SHCBP1L: variants seen among roughly 807,000 people sequenced by gnomAD.
The protein encoded by SHCBP1L is SHC binding and spindle associated 1 like, also known as testicular spindle-associated protein SHCBP1L.
SHCBP1L carries 67 observed loss-of-function variants against 62.5 expected under a neutral mutation model. The ratio of observed to expected loss-of-function variants is 1.07; its 90% CI spans 0.88 to 1.31. SHCBP1L has a LOEUF of 1.31. SHCBP1L is among the 40% of genes most tolerant of loss of function. SHCBP1L has a pLI of 0.00. For missense variants in SHCBP1L, 823 were observed against 809.8 expected (o/e 1.02, Z -0.20); for synonymous variants, 284 against 289.4 (o/e 0.98, Z 0.19).
intron 9 of SHCBP1L, among the ~76,000 whole-genome samples, chr1:182,902,061 C>CTTTTTTTTTTTTTTTTTTTTTT (rs1156301250): frequency 1.6e-4 from 21 of 127,554 alleles, no homozygotes; most frequent in African/African-American, 3.2e-4. Flanking sequence ...CTTTTTTTTT[C>CTTTTTTTTTTTTTTTTTTTTTT]TTTTTTTTTT....
chr1:182,930,573 A>G (rs1395293497), intron 5 of SHCBP1L, among the ~76,000 whole-genome samples: 1 of 129,824 alleles, frequency 7.7e-6, no homozygotes, highest in Non-Finnish European at 1.6e-5. Flanking sequence ...ATATATATAT[A>G]TATATATATA....
At chr1:182,939,578 C>G (rs767051772) in intron 3 of SHCBP1L, 25 bp from the exon 4 acceptor site, 61 of 1,543,376 alleles carry the variant, frequency 4.0e-5, no homozygotes, top group Non-Finnish European at 5.0e-5. Flanking sequence ...ATTAAGATGA[C>G]AGTAATCAAA....
At chr1:182,952,254 A>C (rs1445298413) in intron 1 of SHCBP1L, among the ~76,000 whole-genome samples, 1 of 128,902 alleles carries the variant, frequency 7.8e-6, no homozygotes, top group Non-Finnish European at 1.6e-5. Flanking sequence ...ACACACACAC[A>C]CACACATTTA....
chr1:182,952,787 C>G lies in SHCBP1L; in HGVS notation c.347G>C (p.Gly116Ala). 4 of 1,612,712 alleles carry G rather than the reference C, an allele frequency of 2.5e-6. No individual in the cohort carries two copies. Among genetic ancestry groups the G allele is most frequent in the Non-Finnish European group, 3.4e-6 (4 of 1,179,492 alleles). Reference protein sequence around the residue: ...LPPVCVSRMRGMWRDEKVSLY... With the variant: ...LPPVCVSRMRAMWRDEKVSLY... Reference sequence around the variant, plus strand: ...CGACACCTTCTCGTCCCGCCACATCCCCCTCATACGGGACACGCAGACTGG... The same window carrying G: ...CGACACCTTCTCGTCCCGCCACATCGCCCTCATACGGGACACGCAGACTGG... Residue 116 changes from glycine (G) to alanine (A), a missense_variant, in exon 1 of 10, where the codon GGG becomes GCG. Physicochemically the swap from Gly to Ala is moderately conservative, Grantham distance 60 (BLOSUM62 0). Transcript: ENST00000367547.
chr1:182,924,696 GAAAGGAAGAAAGA>G (rs1293188984), intron 6 of SHCBP1L, among the ~76,000 whole-genome samples: 2 of 76,958 alleles, frequency 2.6e-5, no homozygotes, highest in Admixed American at 1.8e-4. Flanking sequence ...GAAAGGAAAG[GAAAGGAAGAAAGA>G]AAGAAAGAAA....
At chr1:182,925,812 C>T (rs1470889183) in intron 6 of SHCBP1L, among the ~76,000 whole-genome samples, 1 of 152,108 alleles carries the variant, frequency 6.6e-6, no homozygotes, top group African/African-American at 2.4e-5. Flanking sequence ...ACTCAGATAT[C>T]CACCAACTGA....
In SHCBP1L at chr1:182,902,976, T is replaced by C. The variant is rs546883043; in HGVS notation, c.1710+63A>G. The stretch of plus-strand genomic sequence containing the variant: ...CTGCCTTTTAAGACTAAAACTAATA[T>C]TTTAGTACTTATAATTACTTACAAT... On this transcript the variant is annotated intron_variant, in intron 9 of 9. Transcript: ENST00000367547. 2.9e-5 allele frequency: 38 copies of C among 1,319,788 alleles called. No homozygotes were observed. The African/African-American group carries it at 5.5e-4, about 19-fold the overall frequency. 81.8% of individuals were successfully genotyped at this position (1,319,788 alleles called of 1,614,324 possible). A position where few individuals can be genotyped will look rare whatever the true frequency, so the allele number is the denominator to read the frequency against.
At chr1:182,912,166 G>A (rs1293985011) in intron 6 of SHCBP1L, among the ~76,000 whole-genome samples, 3 of 152,192 alleles carry the variant, frequency 2.0e-5, no homozygotes, top group South Asian at 2.1e-4. Context: ...ATTCCGCCAG[G>A]CACGGTGGCT....
intron 6 of SHCBP1L, among the ~76,000 whole-genome samples, chr1:182,924,915 AAAGG>A (rs767334544): frequency 0.016 from 1,384 of 89,206 alleles, 29 homozygotes; most frequent in African/African-American, 0.035. Context: ...GAAAGAAAGG[AAAGG>A]AAGGAAGGAA....
intron 6 of SHCBP1L, among the ~76,000 whole-genome samples, chr1:182,906,640 C>T (rs1650023203): frequency 6.6e-6 from 1 of 151,642 alleles, no homozygotes. Context: ...CCATGTTAGC[C>T]AGGTTGGTCT....
At chr1:182,924,782 A>AAGAAAGAAAGAAAGAAAGAT (rs1650652672) in intron 6 of SHCBP1L, among the ~76,000 whole-genome samples, 1 of 101,314 alleles carries the variant, frequency 9.9e-6, no homozygotes, top group Non-Finnish European at 1.8e-5. Flanking sequence ...GAAAGAAAGA[A>AAGAAAGAAAGAAAGAAAGAT]AGAAAGAGAG....
At chr1:182,907,991 A>G (rs745403387) in intron 6 of SHCBP1L, among the ~76,000 whole-genome samples, 143 of 152,308 alleles carry the variant, frequency 9.4e-4, no homozygotes, top group Non-Finnish European at 1.4e-3. Flanking sequence ...ATTTATATAG[A>G]TATTTCCTTC....
chr1:182,922,651 T>C (rs1650561223), intron 6 of SHCBP1L, among the ~76,000 whole-genome samples: 1 of 151,480 alleles, frequency 6.6e-6, no homozygotes, highest in Non-Finnish European at 1.5e-5. Flanking sequence ...GACTTTTGGG[T>C]AAACACTGAA....
At chr1:182,913,942 T>C (rs1482049446) in intron 6 of SHCBP1L, among the ~76,000 whole-genome samples, 1 of 152,068 alleles carries the variant, frequency 6.6e-6, no homozygotes. Context: ...GATCATGCCA[T>C]TGCACTCCAG....
intron 2 of SHCBP1L, among the ~76,000 whole-genome samples, chr1:182,946,667 T>C (rs557561382): frequency 1.3e-5 from 2 of 152,286 alleles, no homozygotes; most frequent in African/African-American, 4.8e-5. Context: ...CTGCCATTCT[T>C]TGAATATTTT....
intron 6 of SHCBP1L, among the ~76,000 whole-genome samples, chr1:182,923,835 ATACCCACTC>A: frequency 6.6e-6 from 1 of 152,276 alleles, no homozygotes; most frequent in South Asian, 2.1e-4. Context: ...CAAGACAACG[ATACCCACTC>A]TTACCACTTC....
In SHCBP1L at chr1:182,904,233, C is replaced by G. The variant is rs1423525892; in HGVS notation, c.1534G>C (p.Val512Leu). 1 of 1,614,166 alleles carries G rather than the reference C, an allele frequency of 6.2e-7. No individual in the cohort carries two copies. The highest frequency in any genetic ancestry group is 1.3e-5 in the African/African-American group (1 of 75,034). ...ILKCEGTGVC[V>L]LTGAALTITD... ...ATTGTCAAAGCAGCCCCTGTAAGAA[C>G]ACACACTCCTGTTCCTTCACATTTT... is the stretch of plus-strand genomic sequence containing the variant. Residue 512 changes from valine (V) to leucine (L), a missense_variant, in exon 8 of 10, where the codon GTT becomes CTT. Val to Leu is a conservative substitution (Grantham distance 32, BLOSUM62 1). Transcript: ENST00000367547.
chr1:182,905,653 A>G lies in SHCBP1L; in HGVS notation c.1183-4T>C, dbSNP rs1649989858. The G allele has an allele frequency of 6.2e-7, 1 of 1,609,006 alleles. No individual in the cohort carries two copies. The highest frequency in any genetic ancestry group is 1.7e-5 in the Admixed American group (1 of 58,438). On this transcript the variant is annotated splice_region_variant and splice_polypyrimidine_tract_variant and intron_variant, in intron 6 of 9. Transcript: ENST00000367547. Reference sequence around the variant, plus strand: ...TGTCTGAAGATAAATCCTTTATCTAAAAAGAAATAAAACACTTGCGCTTTC... The same window carrying G: ...TGTCTGAAGATAAATCCTTTATCTAGAAAGAAATAAAACACTTGCGCTTTC...
At chr1:182,945,126 G>C (rs944793297) in intron 2 of SHCBP1L, among the ~76,000 whole-genome samples, 7 of 151,616 alleles carry the variant, frequency 4.6e-5, no homozygotes, top group African/African-American at 1.7e-4. Flanking sequence ...ACCACATCCG[G>C]CTATTTTTTG....
Sources: allele counts gnomAD v4.1 joint callset (sites outside exome capture counted in the v4.1 genomes callset), GRCh38; gene constraint gnomAD v4.1.1; transcripts MANE v1.5; gene names NCBI Gene and HGNC (gene_info 2026-07-23, HGNC 2026-07-21).